ATP8A2: variants seen among roughly 807,000 people sequenced by gnomAD.
The protein encoded by ATP8A2 is phospholipid-transporting ATPase IB.
Under a neutral mutation model 165.6 loss-of-function variants are expected in ATP8A2, and 100 were observed. The ratio of observed to expected loss-of-function variants is 0.60; its 90% CI spans 0.51 to 0.71. ATP8A2 has a LOEUF of 0.71. Ranked by LOEUF, ATP8A2 falls within the 30% of genes least tolerant of loss-of-function variation. ATP8A2 has a pLI of 0.00. For synonymous variants in ATP8A2, 543 were observed against 548.8 expected (o/e 0.99, Z 0.15); for missense variants, 1,227 against 1,479.5 (o/e 0.83, Z 2.80).
intron 18 of ATP8A2, among the ~76,000 whole-genome samples, chr13:25,574,443 A>T (rs1566286904): frequency 6.6e-6 from 1 of 152,182 alleles, no homozygotes; most frequent in East Asian, 1.9e-4. Flanking sequence ...GTTACCCCAG[A>T]CCCTGCTGGG....
chr13:25,694,096 T>C (rs2042785710), intron 24 of ATP8A2, among the ~76,000 whole-genome samples: 1 of 150,592 alleles, frequency 6.6e-6, no homozygotes, highest in South Asian at 2.1e-4. Flanking sequence ...AGCTAGTCCC[T>C]CTCCTCCTCC....
chr13:25,383,543 C>T (rs1202137910), intron 1 of ATP8A2, among the ~76,000 whole-genome samples: 9 of 152,214 alleles, frequency 5.9e-5, no homozygotes, highest in Non-Finnish European at 1.0e-4. Context: ...ATTCTCTTAA[C>T]AGTGTCTTTT....
intron 33 of ATP8A2, among the ~76,000 whole-genome samples, chr13:25,935,981 C>A (rs1360704101): frequency 1.3e-5 from 2 of 152,172 alleles, no homozygotes; most frequent in Admixed American, 1.3e-4. Flanking sequence ...TTACCATAAA[C>A]AAGATTCAAA....
chr13:25,908,972 G>T (rs1342974995), intron 33 of ATP8A2, among the ~76,000 whole-genome samples: 1 of 152,220 alleles, frequency 6.6e-6, no homozygotes, highest in Non-Finnish European at 1.5e-5. Context: ...TATTTTTAAA[G>T]TGTGGATTTA....
chr13:25,490,736 TG>T (rs375493627), intron 2 of ATP8A2, among the ~76,000 whole-genome samples: 8,640 of 129,896 alleles, frequency 0.067, 298 homozygotes, highest in South Asian at 0.12. Context: ...GTTTTTTTTT[TG>T]TTTGTTTGTT....
intron 1 of ATP8A2, among the ~76,000 whole-genome samples, chr13:25,379,742 G>T (rs1173376340): frequency 6.6e-6 from 1 of 152,200 alleles, no homozygotes; most frequent in Non-Finnish European, 1.5e-5. Context: ...AAGCGTGTAA[G>T]ATAGTGTGCC....
chr13:25,397,189 G>A (rs2033456481), intron 1 of ATP8A2, among the ~76,000 whole-genome samples: 1 of 152,156 alleles, frequency 6.6e-6, no homozygotes, highest in South Asian at 2.1e-4. Flanking sequence ...TTGTCCTTAG[G>A]AACTACCAGT....
intron 30 of ATP8A2, among the ~76,000 whole-genome samples, chr13:25,856,954 A>G (rs960399694): frequency 1.3e-5 from 2 of 152,208 alleles, no homozygotes; most frequent in African/African-American, 4.8e-5. Context: ...ATTTATGGTT[A>G]TCTATGGTCC....
chr13:25,444,388 C>T (rs891803124), intron 1 of ATP8A2, among the ~76,000 whole-genome samples: 2 of 152,002 alleles, frequency 1.3e-5, no homozygotes, highest in African/African-American at 4.8e-5. Context: ...TTTTAATTTA[C>T]CTTGGATAAA....
At chr13:25,713,761 C>A (rs924453705) in intron 25 of ATP8A2, among the ~76,000 whole-genome samples, 1 of 151,984 alleles carries the variant, frequency 6.6e-6, no homozygotes, top group Non-Finnish European at 1.5e-5. Flanking sequence ...TGTTTCCTGA[C>A]AAACAACGTG....
At chr13:25,847,122 G>A (rs1951886159) in intron 30 of ATP8A2, among the ~76,000 whole-genome samples, 1 of 152,212 alleles carries the variant, frequency 6.6e-6, no homozygotes, top group African/African-American at 2.4e-5. Context: ...CCTGCAGGGA[G>A]GACAGAGTGT....
At chr13:25,404,295 G>C (rs1346226848) in intron 1 of ATP8A2, among the ~76,000 whole-genome samples, 1 of 152,160 alleles carries the variant, frequency 6.6e-6, no homozygotes, top group Admixed American at 6.5e-5. Flanking sequence ...TGTGAGAGCT[G>C]GGGAGGAGAG....
intron 35 of ATP8A2, among the ~76,000 whole-genome samples, chr13:25,982,669 G>A (rs1013024723): frequency 1.3e-5 from 2 of 152,196 alleles, no homozygotes; most frequent in African/African-American, 4.8e-5. Flanking sequence ...CATTTCTGCT[G>A]TGGCGTCAAG....
At chr13:25,694,436 C>T (rs2042792993) in intron 24 of ATP8A2, among the ~76,000 whole-genome samples, 2 of 152,140 alleles carry the variant, frequency 1.3e-5, no homozygotes, top group Admixed American at 6.5e-5. Flanking sequence ...ACGTGCTTCT[C>T]AAGAGGTTTT....
rs10675043 is a variant in ATP8A2 at position 25,646,671 on chromosome 13, A to AAC, written c.2212-52502_2212-52501insAC. Among the ~76,000 whole-genome samples the AAC allele has an allele frequency of 2.4e-3, 295 of 123,990 alleles. 28 individuals are homozygous for AAC. The highest frequency in any genetic ancestry group is 8.7e-3 in the Middle Eastern group (2 of 230). 81.3% of individuals were successfully genotyped at this position (123,990 alleles called of 152,430 possible). On this transcript the variant is annotated intron_variant, in intron 24 of 36. Coordinates refer to ENST00000381655, the MANE Select transcript of ATP8A2 (RefSeq NM_016529.6). ...CTCCATCTCAAAAAAAAAAAAAAAA[A>AAC]CACACAAAAGAATCATTTAGTCACT...
chr13:25,839,431 C>T, intron 29 of ATP8A2, 115 bp from the exon 30 acceptor site: 3 of 688,910 alleles, frequency 4.4e-6, no homozygotes, highest in Non-Finnish European at 7.8e-6. Context: ...ATATGCTACT[C>T]CTGGAACCGT....
At position 25,596,180 on chromosome 13, in the gene ATP8A2, T is replaced by C. The variant is rs201050173; in HGVS notation, c.2211+6481T>C. On this transcript the variant is annotated intron_variant, in intron 24 of 36. Coordinates refer to ENST00000381655, the MANE Select transcript of ATP8A2 (RefSeq NM_016529.6). Reference sequence around the variant, plus strand: ...CAGTGAGAAGTGGCTGACCTATCCTTAATCTTGTATTATTTCTGCTCTAAT... The same window carrying C: ...CAGTGAGAAGTGGCTGACCTATCCTCAATCTTGTATTATTTCTGCTCTAAT... Among the ~76,000 whole-genome samples the C allele has an allele frequency of 1.1e-4, 17 of 152,218 alleles. 1 individual carries two copies. In the East Asian group the frequency reaches 2.1e-3, roughly 19 times the overall value.
intron 24 of ATP8A2, among the ~76,000 whole-genome samples, chr13:25,621,911 A>G (rs879460922): frequency 6.6e-5 from 10 of 152,112 alleles, no homozygotes; most frequent in Admixed American, 2.0e-4. Context: ...GGTGGCTCAC[A>G]CCTGTAGTCC....
intron 33 of ATP8A2, among the ~76,000 whole-genome samples, chr13:25,876,551 G>T (rs1952824404): frequency 2.0e-5 from 3 of 152,174 alleles, no homozygotes; most frequent in Admixed American, 1.3e-4. Flanking sequence ...TTACAGGCCT[G>T]TTGAGAAACT....
Sources: gnomAD v4.1 joint callset for allele counts (sites outside exome capture counted in the v4.1 genomes callset) on GRCh38, gnomAD v4.1.1 for gene constraint, MANE v1.5 for transcripts, NCBI Gene and HGNC (gene_info 2026-07-23, HGNC 2026-07-21) for gene names.